AFG1L: variants seen among roughly 807,000 people sequenced by gnomAD.
AFG1L encodes AFG1-like ATPase.
Under a neutral mutation model 62.2 loss-of-function variants are expected in AFG1L, and 53 were observed. The observed-to-expected ratio is 0.85, with a 90% CI of 0.68 to 1.07. The LOEUF (loss-of-function observed/expected upper bound fraction) is 1.07. Among genes scored for constraint, AFG1L ranks in the 50% least tolerant of loss-of-function variants. AFG1L has a pLI of 0.00. For missense variants in AFG1L, 555 were observed against 590.5 expected (o/e 0.94, Z 0.62); for synonymous variants, 228 against 210.3 (o/e 1.08, Z -0.73).
At position 108,510,425 on chromosome 6, in the gene AFG1L, C is replaced by A. The variant is rs1774601499; in HGVS notation, c.1203+73C>A. The A allele has an allele frequency of 3.3e-6, 4 of 1,200,344 alleles. No individual in the cohort carries two copies. In the Admixed American group the frequency reaches 9.1e-5, roughly 27 times the overall value. 74.4% of individuals were successfully genotyped at this position (1,200,344 alleles called of 1,614,324 possible). The stretch of plus-strand genomic sequence containing the variant: ...AGCCAGATTGCCTGGGCTGGAAATC[C>A]TGACTTAACATACTTCTATCACTTA... On this transcript the variant is annotated intron_variant, in intron 11 of 12. Coordinates refer to ENST00000368977, the MANE Select transcript of AFG1L (RefSeq NM_145315.5).
intron 3 of AFG1L, among the ~76,000 whole-genome samples, chr6:108,347,423 A>G (rs1397850194): frequency 6.6e-6 from 1 of 152,198 alleles, no homozygotes; most frequent in Non-Finnish European, 1.5e-5. Context: ...ATTTCCATTA[A>G]TATTTCTAGT....
At chr6:108,420,459 C>T (rs749127158) in intron 7 of AFG1L, among the ~76,000 whole-genome samples, 5 of 147,984 alleles carry the variant, frequency 3.4e-5, no homozygotes, top group Admixed American at 6.7e-5. Context: ...AACATATATT[C>T]CATATATGTT....
intron 7 of AFG1L, among the ~76,000 whole-genome samples, chr6:108,429,758 G>T (rs1259107788): frequency 6.6e-6 from 1 of 151,996 alleles, no homozygotes; most frequent in East Asian, 1.9e-4. Context: ...GGCTATTAGG[G>T]CTCTTTCTTG....
At chr6:108,512,050 C>T (rs1774673417) in intron 11 of AFG1L, among the ~76,000 whole-genome samples, 1 of 152,170 alleles carries the variant, frequency 6.6e-6, no homozygotes, top group South Asian at 2.1e-4. Flanking sequence ...CTCTGAGGGC[C>T]ACCTATGGCA....
chr6:108,507,102 T>A (rs1288859087), intron 10 of AFG1L, among the ~76,000 whole-genome samples: 1 of 152,252 alleles, frequency 6.6e-6, no homozygotes, highest in African/African-American at 2.4e-5. Flanking sequence ...GTAGTATTGC[T>A]ATCTCTCGTG....
chr6:108,481,709 T>G (rs894058189), intron 10 of AFG1L, among the ~76,000 whole-genome samples: 3 of 152,226 alleles, frequency 2.0e-5, no homozygotes, highest in Non-Finnish European at 4.4e-5. Context: ...ATATTCTTTG[T>G]GATGAAGTGA....
Position 108,522,510 on chromosome 6 carries a change from C to A in AFG1L, c.*85C>A. 6.9e-7 allele frequency: 1 copy of A among 1,440,364 alleles called. No individual in the cohort carries two copies. The highest frequency in any genetic ancestry group is 9.4e-7 in the Non-Finnish European group (1 of 1,060,586). The allele number at this position is 1,440,364 out of a possible 1,614,324, so 89.2% of individuals were successfully genotyped here. Reference sequence around the variant, plus strand: ...TTGTGGGACTTGAAGGAATCATTTTCTCATCATTAATTATGCACTTTGTCC... The same window carrying A: ...TTGTGGGACTTGAAGGAATCATTTTATCATCATTAATTATGCACTTTGTCC... On this transcript the variant is annotated 3_prime_UTR_variant, in exon 13 of 13. Coordinates refer to ENST00000368977, the MANE Select transcript of AFG1L (RefSeq NM_145315.5).
intron 1 of AFG1L, 129 bp downstream of exon 1, chr6:108,295,347 A>C (rs1246466639): frequency 3.8e-6 from 4 of 1,052,214 alleles, no homozygotes; most frequent in African/African-American, 1.6e-5. Context: ...CCTCGAGAGG[A>C]GTTTCCATTT....
intron 10 of AFG1L, among the ~76,000 whole-genome samples, chr6:108,503,325 A>C (rs934377402): frequency 6.6e-6 from 1 of 152,232 alleles, no homozygotes; most frequent in African/African-American, 2.4e-5. Flanking sequence ...TTAAATAATT[A>C]GACTTGAAAG....
intron 6 of AFG1L, among the ~76,000 whole-genome samples, chr6:108,399,651 T>A (rs374486606): frequency 1.3e-5 from 2 of 151,534 alleles, no homozygotes; most frequent in East Asian, 3.9e-4. Flanking sequence ...ACTGAATTTG[T>A]TTATCAGTTC....
intron 6 of AFG1L, among the ~76,000 whole-genome samples, chr6:108,387,067 A>T (rs1343770836): frequency 6.6e-6 from 1 of 152,246 alleles, no homozygotes; most frequent in African/African-American, 2.4e-5. Context: ...GAACAAATTT[A>T]AAAAATACCA....
At chr6:108,373,535 T>C (rs984968521) in intron 6 of AFG1L, among the ~76,000 whole-genome samples, 15 of 152,108 alleles carry the variant, frequency 9.9e-5, no homozygotes, top group African/African-American at 2.4e-4. Flanking sequence ...ATTTGTTTTC[T>C]GTTGGATAGA....
intron 10 of AFG1L, among the ~76,000 whole-genome samples, chr6:108,480,037 A>G (rs901464961): frequency 6.6e-5 from 10 of 152,208 alleles, no homozygotes; most frequent in Non-Finnish European, 1.3e-4. Flanking sequence ...GACATATGCC[A>G]TAAGTAAAAT....
intron 10 of AFG1L, among the ~76,000 whole-genome samples, chr6:108,498,293 A>G (rs1018396552): frequency 1.3e-5 from 2 of 152,210 alleles, no homozygotes; most frequent in African/African-American, 4.8e-5. Flanking sequence ...AAGGATATGG[A>G]CAAGGAGGCA....
At chr6:108,496,029 C>A (rs1348360968) in intron 10 of AFG1L, among the ~76,000 whole-genome samples, 1 of 152,040 alleles carries the variant, frequency 6.6e-6, no homozygotes, top group Non-Finnish European at 1.5e-5. Flanking sequence ...AACTGAAGTG[C>A]CATTTAGTAC....
chr6:108,425,890 C>T (rs1264040402), intron 7 of AFG1L, among the ~76,000 whole-genome samples: 1 of 152,114 alleles, frequency 6.6e-6, no homozygotes, highest in African/African-American at 2.4e-5. Context: ...AAAATTTACT[C>T]TTCAGATCTT....
chr6:108,478,341 G>A (rs535300595), intron 10 of AFG1L, among the ~76,000 whole-genome samples: 1 of 152,336 alleles, frequency 6.6e-6, no homozygotes, highest in Non-Finnish European at 1.5e-5. Flanking sequence ...GGAGGCTGAG[G>A]CAGGAGAATG....
Position 108,358,735 on chromosome 6 carries a change from C to T in AFG1L, c.648+1915C>T, listed in dbSNP as rs965403159. 2.6e-5 allele frequency among the ~76,000 whole-genome samples: 4 copies of T among 152,174 alleles called. No individual in the cohort carries two copies. In the East Asian group the frequency reaches 7.7e-4, roughly 29 times the overall value. On this transcript the variant is annotated intron_variant, in intron 5 of 12. Transcript: ENST00000368977. ...TTTTAGTAGAGACGGGGTTTCACCA[C>T]GTTGGCCAGGCTGGTCGCGAACTCC...
At chr6:108,363,395 C>T (rs552246466) in intron 5 of AFG1L, among the ~76,000 whole-genome samples, 18 of 152,168 alleles carry the variant, frequency 1.2e-4, no homozygotes, top group South Asian at 6.2e-4. Flanking sequence ...CTCAAGTAGG[C>T]GCATTTCAGT....
Sources: allele counts gnomAD v4.1 joint callset (sites outside exome capture counted in the v4.1 genomes callset), GRCh38; gene constraint gnomAD v4.1.1; transcripts MANE v1.5; gene names NCBI Gene and HGNC (gene_info 2026-07-23, HGNC 2026-07-21).